Variants in SLC12A6 observed in about 807,000 individuals in gnomAD.
The protein encoded by SLC12A6 is solute carrier family 12 member 6, also known as K-Cl cotransporter 3.
Under a neutral mutation model 135.3 loss-of-function variants are expected in SLC12A6, and 66 were observed. The ratio of observed to expected loss-of-function variants is 0.49; its 90% confidence interval spans 0.40 to 0.60. The LOEUF (loss-of-function observed/expected upper bound fraction) is 0.60, where lower values mean the gene tolerates loss of function less well. Ranked by LOEUF, SLC12A6 falls within the 20% of genes least tolerant of loss-of-function variation. SLC12A6 has a pLI of 0.00. For missense variants in SLC12A6, 1,058 were observed against 1,452.3 expected, an observed-to-expected ratio of 0.73 and a Z score of 4.41; for synonymous variants, 513 against 508.8, an observed-to-expected ratio of 1.01 and a Z score of -0.11.
intron 2 of SLC12A6, among the ~76,000 whole-genome samples, chr15:34,305,367 T>A (rs1380704858): frequency 6.6e-6 from 1 of 151,940 alleles, no homozygotes; most frequent in Non-Finnish European, 1.5e-5. Context: ...ATCGATCCAA[T>A]AGGTCTCTTT....
In SLC12A6 at chr15:34,255,275, A is replaced by G. The variant is rs1441906852; in HGVS notation, c.863T>C (p.Ile288Thr). ...FAAAMYILGA[I>T]EIFLVYIVPR... is the part of the protein sequence containing the mutation. ...GTCATTACTTACCAGAAAGATTTCAATGGCACCAAGGATGTACATGGCTGC... is the reference window on the plus strand; with the variant it reads ...GTCATTACTTACCAGAAAGATTTCAGTGGCACCAAGGATGTACATGGCTGC... The change falls in exon 8 of 26, where the codon ATT becomes ACT. Residue 288 changes from isoleucine to threonine, a missense_variant. Physicochemically the swap from Ile to Thr is moderately conservative, Grantham distance 89. Around this residue, in one of 6 missense-constraint regions of SLC12A6, gnomAD observed 139 missense variants for 202.2 expected, o/e 0.69. Coordinates refer to ENST00000354181, the MANE Select transcript of SLC12A6 (RefSeq NM_001365088.1). 5 of 1,608,544 alleles carry G rather than the reference A, an allele frequency of 3.1e-6. No homozygotes were observed. Among genetic ancestry groups the G allele is most frequent in the Middle Eastern group, 1.6e-4 (1 of 6,078 alleles).
intron 2 of SLC12A6, among the ~76,000 whole-genome samples, chr15:34,276,867 A>T (rs1229251571): frequency 6.6e-6 from 1 of 152,222 alleles, no homozygotes; most frequent in Non-Finnish European, 1.5e-5. Context: ...AGAAAGAAAC[A>T]ATCAGAATAC....
chr15:34,284,178 A>G (rs1894873254), intron 2 of SLC12A6, among the ~76,000 whole-genome samples: 1 of 152,092 alleles, frequency 6.6e-6, no homozygotes, highest in African/African-American at 2.4e-5. Flanking sequence ...GGCTGTAGTG[A>G]AGCTGATGGA....
At chr15:34,313,920 C>G (rs1888441349) in intron 2 of SLC12A6, among the ~76,000 whole-genome samples, 4 of 138,778 alleles carry the variant, frequency 2.9e-5, no homozygotes, top group African/African-American at 1.1e-4. Context: ...GGCTGGGCAA[C>G]ATAGTGAGAC....
intron 16 of SLC12A6, 114 bp from the exon 17 acceptor site, chr15:34,242,335 C>T: frequency 1.3e-6 from 1 of 746,364 alleles, no homozygotes; most frequent in Non-Finnish European, 2.2e-6. Flanking sequence ...AACTTTGAAA[C>T]TATTATAAAT....
At chr15:34,236,640 C>G in intron 23 of SLC12A6, 68 bp downstream of exon 23, 1 of 989,562 alleles carries the variant, frequency 1.0e-6, no homozygotes, top group Non-Finnish European at 1.6e-6. Flanking sequence ...CCATGCCCAG[C>G]CCAGTATCAT....
intron 2 of SLC12A6, among the ~76,000 whole-genome samples, chr15:34,280,847 C>A (rs1348118718): frequency 1.3e-5 from 2 of 152,102 alleles, no homozygotes; most frequent in African/African-American, 4.8e-5. Flanking sequence ...TACTATTCAG[C>A]TCTTAAAAAG....
At chr15:34,269,475 A>G (rs1400495600) in intron 3 of SLC12A6, among the ~76,000 whole-genome samples, 1 of 152,222 alleles carries the variant, frequency 6.6e-6, no homozygotes, top group South Asian at 2.1e-4. Context: ...TGATCTTGTC[A>G]AATGGCCTTT....
rs1285975468 is a variant in SLC12A6, at chr15:34,250,729, C to T, written c.1493G>A (p.Gly498Asp). Reference protein sequence around the residue: ...LVGIFFPSVTGIMAGSNRSGD... With the variant: ...LVGIFFPSVTDIMAGSNRSGD... ...AGATCTGTTTGATCCAGCCATGATA[C>T]CTTTAGAGATAAGGGGGAAAAAACC... The change falls in exon 12 of 26, where the codon GGT becomes GAT. Residue 498 changes from glycine to aspartate, a missense_variant and splice_region_variant. By Grantham distance (94) the Gly-to-Asp change is moderately conservative. Around this residue, in one of 6 missense-constraint regions of SLC12A6, gnomAD observed 297 missense variants for 318.5 expected, o/e 0.93. Transcript: ENST00000354181. 1 of 1,573,656 alleles carries T rather than the reference C, an allele frequency of 6.4e-7. No homozygotes were observed. Among genetic ancestry groups the T allele is most frequent in the Non-Finnish European group, 8.7e-7 (1 of 1,143,318 alleles).
At chr15:34,271,182 A>T (rs527587620) in intron 3 of SLC12A6, among the ~76,000 whole-genome samples, 3 of 152,276 alleles carry the variant, frequency 2.0e-5, no homozygotes, top group African/African-American at 7.2e-5. Flanking sequence ...TAAGATTATT[A>T]TACAATATTT....
chr15:34,232,845 A>G lies in SLC12A6; in HGVS notation c.*1036T>C, dbSNP rs1280513954. ...CTAGAACTTCCAATTCCATTGCTAG[A>G]TGTGCCCTTTAAAAGATGGTCCAGT... On this transcript the variant is annotated 3_prime_UTR_variant, in exon 26 of 26. Transcript: ENST00000354181. 1.3e-5 allele frequency: 2 copies of G among 151,306 alleles called. No individual in the cohort carries two copies. Among genetic ancestry groups the G allele is most frequent in the Non-Finnish European group, 2.9e-5 (2 of 67,834 alleles). 9.4% of individuals were successfully genotyped at this position (151,306 alleles called of 1,614,324 possible). A position where few individuals can be genotyped will look rare whatever the true frequency, so the allele number is the denominator to read the frequency against.
intron 20 of SLC12A6, 36 bp from the exon 21 acceptor site, chr15:34,238,437 T>C (rs750737045): frequency 6.5e-7 from 1 of 1,545,734 alleles, no homozygotes; most frequent in South Asian, 1.1e-5. Context: ...GAAGAATCCT[T>C]AGGCTTGCCT....
chr15:34,325,827 T>C (rs1027588608), intron 2 of SLC12A6, among the ~76,000 whole-genome samples: 1 of 152,170 alleles, frequency 6.6e-6, no homozygotes, highest in African/African-American at 2.4e-5. Flanking sequence ...AGCAAGACAC[T>C]GTTCCTGCCC....
Position 34,245,884 on chromosome 15 carries a change from A to G in SLC12A6, c.1650-17T>C, listed in dbSNP as rs748893035. On this transcript the variant is annotated splice_polypyrimidine_tract_variant and intron_variant, in intron 13 of 25. Transcript: ENST00000354181. ...TCACCGAACCTGGGAAAGAAATAGG[A>G]GTGGGAAATTTAATCTGGAAATAAC... The G allele has an allele frequency of 1.2e-6, 2 of 1,600,644 alleles. No individual in the cohort carries two copies. Among genetic ancestry groups the G allele is most frequent in the South Asian group, 2.2e-5 (2 of 90,748 alleles).
chr15:34,248,563 C>CA (rs1892159110), intron 13 of SLC12A6, among the ~76,000 whole-genome samples: 1 of 37,232 alleles, frequency 2.7e-5, no homozygotes, highest in African/African-American at 6.1e-5. Context: ...TATATACACC[C>CA]CCACCCACAC....
chr15:34,313,830 G>C (rs1888432084), intron 2 of SLC12A6, among the ~76,000 whole-genome samples: 1 of 151,942 alleles, frequency 6.6e-6, no homozygotes, highest in African/African-American at 2.4e-5. Context: ...CAACAAGCCA[G>C]GTGTAATGGT....
chr15:34,262,432 G>A (rs909130094), intron 3 of SLC12A6, among the ~76,000 whole-genome samples: 1 of 150,642 alleles, frequency 6.6e-6, no homozygotes, highest in Non-Finnish European at 1.5e-5. Context: ...TTTGATATCA[G>A]CACAACCTCA....
At chr15:34,309,682 T>C (rs952554999) in intron 2 of SLC12A6, among the ~76,000 whole-genome samples, 2 of 152,230 alleles carry the variant, frequency 1.3e-5, no homozygotes, top group African/African-American at 4.8e-5. Flanking sequence ...GTCTTAGATA[T>C]AGTAAACAGA....
chr15:34,264,689 A>G (rs1893375885), intron 3 of SLC12A6, among the ~76,000 whole-genome samples: 1 of 152,212 alleles, frequency 6.6e-6, no homozygotes, highest in Non-Finnish European at 1.5e-5. Flanking sequence ...GTAAAATCAT[A>G]TGATGTCTGG....
Sources: allele counts gnomAD v4.1 joint callset (sites outside exome capture counted in the v4.1 genomes callset), GRCh38; gene constraint gnomAD v4.1.1; regional missense constraint gnomAD v4.1.1; transcripts MANE v1.5; gene names NCBI Gene and HGNC (gene_info 2026-07-23, HGNC 2026-07-21).